CACNA2D3: variants seen among roughly 807,000 people sequenced by gnomAD.
CACNA2D3 encodes calcium voltage-gated channel auxiliary subunit alpha2delta 3.
In CACNA2D3, 60 loss-of-function variants were observed where a neutral mutation model predicts 160.6. The ratio of observed to expected loss-of-function variants is 0.37; its 90% CI spans 0.30 to 0.46. The LOEUF (loss-of-function observed/expected upper bound fraction) is 0.46. CACNA2D3 is among the 20% of genes least tolerant of loss of function. The pLI, the probability that CACNA2D3 is intolerant of heterozygous loss-of-function variation, is 1.00. For synonymous variants in CACNA2D3, 558 were observed against 492.9 expected (o/e 1.13, Z -1.75); for missense variants, 1,205 against 1,365.0 (o/e 0.88, Z 1.85).
intron 6 of CACNA2D3, among the ~76,000 whole-genome samples, chr3:54,566,166 C>A (rs189929468): frequency 6.6e-6 from 1 of 152,320 alleles, no homozygotes; most frequent in Non-Finnish European, 1.5e-5. Context: ...CAGCAAGGAG[C>A]TGGCATAAAT....
At chr3:54,355,407 T>A (rs28499181) in intron 3 of CACNA2D3, among the ~76,000 whole-genome samples, 1 of 152,134 alleles carries the variant, frequency 6.6e-6, no homozygotes, top group African/African-American at 2.4e-5. Flanking sequence ...CAGTGAAGGG[T>A]CTCTGGCAGT....
At chr3:54,491,718 G>A (rs1326775679) in intron 4 of CACNA2D3, among the ~76,000 whole-genome samples, 3 of 152,164 alleles carry the variant, frequency 2.0e-5, no homozygotes, top group African/African-American at 7.2e-5. Context: ...AAAATGTATT[G>A]CATTTGGCTG....
chr3:54,413,252 T>A (rs762487204), intron 4 of CACNA2D3, among the ~76,000 whole-genome samples: 27 of 151,548 alleles, frequency 1.8e-4, no homozygotes, highest in Non-Finnish European at 3.7e-4. Context: ...TGATGATATA[T>A]CCGCCAACAT....
intron 13 of CACNA2D3, among the ~76,000 whole-genome samples, chr3:54,784,105 C>T (rs1702585965): frequency 6.6e-6 from 1 of 152,184 alleles, no homozygotes; most frequent in Admixed American, 6.5e-5. Flanking sequence ...TATGGTAAGT[C>T]TGTCCACTGT....
chr3:54,867,969 GT>G (rs1422647678), intron 17 of CACNA2D3, among the ~76,000 whole-genome samples: 1 of 152,198 alleles, frequency 6.6e-6, no homozygotes, highest in Non-Finnish European at 1.5e-5. Context: ...TGCCCAAGGA[GT>G]TCCCTACAGG....
rs146059539 is a variant in CACNA2D3 at position 54,402,958 on chromosome 3, C to T, written c.381+16184C>T. Among the ~76,000 whole-genome samples, 82 of 152,050 alleles carry T rather than the reference C, an allele frequency of 5.4e-4. 1 individual carries two copies. In the East Asian group the frequency reaches 0.013, roughly 24 times the overall value. On this transcript the variant is annotated intron_variant, in intron 4 of 37. Transcript: ENST00000474759. ...TTATGACCACAAGTATATGAAACTA[C>T]GAATCAACAATAGGAAGATTTTTGG...
intron 11 of CACNA2D3, among the ~76,000 whole-genome samples, chr3:54,693,720 A>T (rs1467640369): frequency 1.3e-5 from 2 of 152,138 alleles, no homozygotes; most frequent in Non-Finnish European, 2.9e-5. Context: ...GATATTGATA[A>T]TCCTGACCCT....
intron 4 of CACNA2D3, among the ~76,000 whole-genome samples, chr3:54,466,283 G>A (rs1381764816): frequency 6.6e-6 from 1 of 152,004 alleles, no homozygotes; most frequent in African/African-American, 2.4e-5. Context: ...TTTTTTTGAT[G>A]TTTAATCAAG....
At chr3:55,074,067 G>T (rs778425689) in intron 37 of CACNA2D3, 47 bp from the exon 38 acceptor site, 3 of 1,492,668 alleles carry the variant, frequency 2.0e-6, no homozygotes, top group South Asian at 2.3e-5. Context: ...AGTTGAAGGT[G>T]TCCTGGAGTC....
chr3:54,603,720 A>G (rs908092668), intron 9 of CACNA2D3, among the ~76,000 whole-genome samples: 2 of 152,246 alleles, frequency 1.3e-5, no homozygotes, highest in Non-Finnish European at 1.5e-5. Flanking sequence ...TCATGTTTAA[A>G]AAGCCCGACA....
intron 2 of CACNA2D3, among the ~76,000 whole-genome samples, chr3:54,311,090 A>G (rs974678269): frequency 6.6e-6 from 1 of 152,136 alleles, no homozygotes; most frequent in Non-Finnish European, 1.5e-5. Flanking sequence ...GCCAAGCGGG[A>G]TGCTGCTATC....
chr3:54,590,597 C>CTTATTATTATTATTATTA (rs35084465), intron 9 of CACNA2D3, among the ~76,000 whole-genome samples: 1 of 149,162 alleles, frequency 6.7e-6, no homozygotes, highest in Non-Finnish European at 1.5e-5. Flanking sequence ...TGGCATTTCT[C>CTTATTATTATTATTATTA]TTATTATTAT....
intron 9 of CACNA2D3, among the ~76,000 whole-genome samples, chr3:54,616,489 AT>A (rs1272864419): frequency 1.3e-5 from 2 of 152,202 alleles, no homozygotes; most frequent in Non-Finnish European, 2.9e-5. Flanking sequence ...TGCAGGTGGC[AT>A]ACCATCACTT....
intron 13 of CACNA2D3, among the ~76,000 whole-genome samples, chr3:54,791,051 T>TA (rs1553853558): frequency 6.6e-6 from 1 of 151,880 alleles, no homozygotes; most frequent in Admixed American, 6.6e-5. Flanking sequence ...TTTTTTTTTT[T>TA]AACTTTCTGT....
intron 2 of CACNA2D3, among the ~76,000 whole-genome samples, chr3:54,245,749 T>C (rs1402066818): frequency 6.6e-6 from 1 of 152,208 alleles, no homozygotes; most frequent in Non-Finnish European, 1.5e-5. Context: ...GAATACTGAT[T>C]ATGGAAAATA....
chr3:54,931,562 C>G (rs1322777795), intron 27 of CACNA2D3, among the ~76,000 whole-genome samples: 2 of 152,164 alleles, frequency 1.3e-5, no homozygotes, highest in Admixed American at 1.3e-4. Context: ...CAGAGCCACT[C>G]CTTAAAGAGG....
intron 3 of CACNA2D3, among the ~76,000 whole-genome samples, chr3:54,341,314 ATAG>A (rs1698336330): frequency 6.6e-6 from 1 of 152,160 alleles, no homozygotes; most frequent in African/African-American, 2.4e-5. Context: ...AGTCATCCTG[ATAG>A]TAGAGCCTCC....
chr3:54,851,836 A>T (rs999394821), intron 17 of CACNA2D3, among the ~76,000 whole-genome samples: 1 of 152,244 alleles, frequency 6.6e-6, no homozygotes, highest in Non-Finnish European at 1.5e-5. Flanking sequence ...GTGATATTTT[A>T]CATTCTTTTC....
At chr3:54,593,945 A>C (rs1003190590) in intron 9 of CACNA2D3, among the ~76,000 whole-genome samples, 2 of 152,178 alleles carry the variant, frequency 1.3e-5, no homozygotes, top group Non-Finnish European at 2.9e-5. Context: ...TACAGAAACT[A>C]TGCTCAATTC....
Sources: allele counts gnomAD v4.1 joint callset (sites outside exome capture counted in the v4.1 genomes callset), GRCh38; gene constraint gnomAD v4.1.1; transcripts MANE v1.5; gene names NCBI Gene and HGNC (gene_info 2026-07-23, HGNC 2026-07-21).